The following MYH9 variants were observed in gnomAD, a reference collection of about 807,000 sequenced individuals.
The protein encoded by MYH9 is myosin-9.
In MYH9, 29 loss-of-function variants were observed where a neutral mutation model predicts 241.9. The ratio of observed to expected loss-of-function variants is 0.12; its 90% CI spans 0.09 to 0.16. The LOEUF is 0.16. Ranked by LOEUF, MYH9 falls within the 10% of genes least tolerant of loss-of-function variation. MYH9 has a pLI of 1.00. For missense variants in MYH9, 1,803 were observed against 2,595.5 expected (o/e 0.69, Z 6.63); for synonymous variants, 1,047 against 1,062.6 (o/e 0.99, Z 0.29).
At position 36,308,778 on chromosome 22, in the gene MYH9, A is replaced by G. The variant is rs890735497; in HGVS notation, c.1843+504T>C. The G allele has an allele frequency of 7.7e-5, 75 of 976,838 alleles. 2 individuals are homozygous for G. Among genetic ancestry groups the G allele is most frequent in the Non-Finnish European group, 1.3e-5 (11 of 822,298 alleles). 60.5% of individuals were successfully genotyped at this position (976,838 alleles called of 1,614,324 possible). On this transcript the variant is annotated intron_variant, in intron 15 of 40. Coordinates refer to ENST00000216181, the MANE Select transcript of MYH9 (RefSeq NM_002473.6). ...GCACAGCTTTGGACGCACCACACAC[A>G]CAAGAGACACCACTCGGGCGGCCAG...
intron 1 of MYH9, among the ~76,000 whole-genome samples, chr22:36,369,577 T>C (rs2018060939): frequency 6.6e-6 from 1 of 152,180 alleles, no homozygotes. Flanking sequence ...CCTGCCAGCC[T>C]TCACCTGCTG....
intron 1 of MYH9, among the ~76,000 whole-genome samples, chr22:36,384,614 ATATATATATATATATATATAT>A (rs2018318852): frequency 1.1e-4 from 2 of 18,662 alleles, no homozygotes; most frequent in African/African-American, 4.8e-4. Context: ...AAAAAAAAAT[ATATATATATATATATATATAT>A]ATATATATAT....
intron 23 of MYH9, among the ~76,000 whole-genome samples, 186 bp from the exon 24 acceptor site, chr22:36,299,228 C>T (rs528618454): frequency 1.3e-5 from 2 of 152,284 alleles, no homozygotes; most frequent in East Asian, 1.9e-4. Flanking sequence ...CCTGAAACAG[C>T]GAGGTACGCT....
At position 36,378,339 on chromosome 22, in the gene MYH9, T is replaced by G. The variant is rs545847314; in HGVS notation, c.-20+9468A>C. On this transcript the variant is annotated intron_variant, in intron 1 of 40. Transcript: ENST00000216181. ...CAGACCACTTCACATCCATTTATAATGCTAAGAAAGAGGCTTCTCCACGGT... is the reference window on the plus strand; with the variant it reads ...CAGACCACTTCACATCCATTTATAAGGCTAAGAAAGAGGCTTCTCCACGGT... 9.2e-5 allele frequency among the ~76,000 whole-genome samples: 14 copies of G among 152,218 alleles called. No homozygotes were observed. In the East Asian group the frequency reaches 2.7e-3, roughly 29 times the overall value.
chr22:36,341,631 G>A, intron 2 of MYH9, 105 bp from the exon 3 acceptor site: 3 of 1,351,060 alleles, frequency 2.2e-6, no homozygotes, highest in Non-Finnish European at 3.1e-6. Flanking sequence ...CCCTGAGTCA[G>A]CCTGATGTGA....
At chr22:36,337,167 G>A (rs1362274140) in intron 3 of MYH9, among the ~76,000 whole-genome samples, 2 of 152,134 alleles carry the variant, frequency 1.3e-5, no homozygotes, top group South Asian at 2.1e-4. Flanking sequence ...TGCCCCCCAC[G>A]GAAACTTGAT....
rs1489239596 is a variant in MYH9 at position 36,319,584 on chromosome 22, T to C, written c.1064A>G (p.Lys355Arg). Reference sequence around the variant, plus strand: ...CGCCTGGTCAGTGTTCCGCTCCTTCTTGAAGACGATGTTGCCGAGCTGAAG... The same window carrying C: ...CGCCTGGTCAGTGTTCCGCTCCTTCCTGAAGACGATGTTGCCGAGCTGAAG... ...GVLQLGNIVF[K>R]KERNTDQASM... The change falls in exon 10 of 41, where the codon AAG becomes AGG. Residue 355 changes from lysine (K) to arginine (R), a missense_variant. Lys to Arg is a conservative substitution (Grantham distance 26). Coordinates refer to ENST00000216181, the MANE Select transcript of MYH9 (RefSeq NM_002473.6). The C allele has an allele frequency of 6.2e-7, 1 of 1,614,162 alleles. No homozygotes were observed. Among genetic ancestry groups the C allele is most frequent in the Non-Finnish European group, 8.5e-7 (1 of 1,180,034 alleles).
At chr22:36,294,355 G>T in intron 27 of MYH9, 57 bp from the exon 28 acceptor site, 1 of 1,573,666 alleles carries the variant, frequency 6.4e-7, no homozygotes, top group South Asian at 1.1e-5. Flanking sequence ...AGGCTGGCTG[G>T]TCTATCATCA....
intron 27 of MYH9, 63 bp downstream of exon 27, chr22:36,294,869 G>C: frequency 1.9e-6 from 3 of 1,600,128 alleles, no homozygotes; most frequent in Non-Finnish European, 1.7e-6. Flanking sequence ...GACTGGTTTG[G>C]ATTCTGTGGG....
chr22:36,290,688 A>T (rs930852993), intron 31 of MYH9, among the ~76,000 whole-genome samples: 4 of 140,628 alleles, frequency 2.8e-5, no homozygotes, highest in Non-Finnish European at 4.6e-5. Context: ...CCGCCATCCC[A>T]TCTAGGAGGT....
In MYH9 at chr22:36,305,150, C is replaced by T. The variant is rs921340720; in HGVS notation, c.2160-48G>A. The T allele has an allele frequency of 7.4e-6, 11 of 1,479,534 alleles. No homozygotes were observed. The highest frequency in any genetic ancestry group is 1.0e-5 in the Non-Finnish European group (11 of 1,057,810). The allele number at this position is 1,479,534 out of a possible 1,614,324, so 91.7% of individuals were successfully genotyped here. A position where few individuals can be genotyped will look rare whatever the true frequency, so the allele number is the denominator to read the frequency against. On this transcript the variant is annotated intron_variant, in intron 17 of 40. Coordinates refer to ENST00000216181, the MANE Select transcript of MYH9 (RefSeq NM_002473.6). The surrounding 1 kb of genome is among the most constrained non-coding windows in gnomAD (Gnocchi z 4.7). Reference sequence around the variant, plus strand: ...GGTCATTTTACCCATTGCCTCGATTCCACATGCCTGGAATATAGGCGAGAG... The same window carrying T: ...GGTCATTTTACCCATTGCCTCGATTTCACATGCCTGGAATATAGGCGAGAG...
At chr22:36,355,092 C>T (rs1482635279) in intron 1 of MYH9, among the ~76,000 whole-genome samples, 3 of 151,960 alleles carry the variant, frequency 2.0e-5, no homozygotes, top group Non-Finnish European at 2.9e-5. Flanking sequence ...GCAGCTCTCG[C>T]CCCTGGAGAT....
At chr22:36,350,468 C>T (rs2017747140) in intron 1 of MYH9, among the ~76,000 whole-genome samples, 1 of 152,054 alleles carries the variant, frequency 6.6e-6, no homozygotes, top group East Asian at 1.9e-4. Flanking sequence ...ACCCAGGAGG[C>T]GGGGGTTGTG....
rs2018339236 is a variant in MYH9 at position 36,385,579 on chromosome 22, C to T, written c.-20+2228G>A. Among the ~76,000 whole-genome samples the T allele has an allele frequency of 2.0e-5, 3 of 152,128 alleles. No homozygotes were observed. The South Asian group carries it at 6.2e-4, about 32-fold the overall frequency. ...AGGTTAAAAAGTTTAAAAATAAAAGCAAGAAAGCCAGGGCCCTCCCTCTCC... is the reference window on the plus strand; with the variant it reads ...AGGTTAAAAAGTTTAAAAATAAAAGTAAGAAAGCCAGGGCCCTCCCTCTCC... On this transcript the variant is annotated intron_variant, in intron 1 of 40. Transcript: ENST00000216181.
chr22:36,320,035 A>G lies in MYH9; in HGVS notation c.1012+185T>C, dbSNP rs920262805. ...TGCACCCTTTCTGAATGCCTGTGGTACCACCAGGAACAAATAACCTTGAAC... is the reference window on the plus strand; with the variant it reads ...TGCACCCTTTCTGAATGCCTGTGGTGCCACCAGGAACAAATAACCTTGAAC... On this transcript the variant is annotated intron_variant, in intron 9 of 40. Transcript: ENST00000216181. The surrounding 1 kb of genome is among the most constrained non-coding windows in gnomAD (Gnocchi z 4.8). Among the ~76,000 whole-genome samples, 15 of 152,212 alleles carry G rather than the reference A, an allele frequency of 9.9e-5. No individual in the cohort carries two copies. The highest frequency in any genetic ancestry group is 2.9e-5 in the Non-Finnish European group (2 of 68,042).
Position 36,285,317 on chromosome 22 carries a change from T to C in MYH9, c.5287A>G (p.Asn1763Asp). The C allele has an allele frequency of 6.2e-7, 1 of 1,610,090 alleles. No homozygotes were observed. The highest frequency in any genetic ancestry group is 8.5e-7 in the Non-Finnish European group (1 of 1,179,918). ...KKANLQIDQI[N>D]TDLNLERSHA... The stretch of plus-strand genomic sequence containing the variant: ...CTGCGCTCCAGGTTCAGGTCGGTGT[T>C]GATCTGGTCGATCTGCAGAAGAAGG... The change falls in exon 38 of 41, where the codon AAC (asparagine) becomes GAC (aspartate). Residue 1763 changes from asparagine (N) to aspartate (D), a missense_variant. Asn to Asp is a conservative substitution (Grantham distance 23). This residue lies in a region of MYH9 where 876 missense variants were observed against 1,077.8 expected (regional missense o/e 0.81). Coordinates refer to ENST00000216181, the MANE Select transcript of MYH9 (RefSeq NM_002473.6). This position sits in a 1 kb window ranked among gnomAD's most constrained non-coding sequence, Gnocchi z 7.0.
chr22:36,286,528 ACT>A (rs2016583689), intron 35 of MYH9, among the ~76,000 whole-genome samples, 188 bp downstream of exon 35: 1 of 151,822 alleles, frequency 6.6e-6, no homozygotes, highest in Non-Finnish European at 1.5e-5. Flanking sequence ...ACACACACAC[ACT>A]CTGATCATAC....
intron 2 of MYH9, among the ~76,000 whole-genome samples, chr22:36,348,351 A>G (rs909879679): frequency 1.5e-4 from 23 of 151,206 alleles, no homozygotes; most frequent in African/African-American, 4.8e-4. Flanking sequence ...TCTACTAAAA[A>G]TACAAAAATC....
At chr22:36,321,056 G>A (rs1012792210) in intron 7 of MYH9, among the ~76,000 whole-genome samples, 160 bp from the exon 8 acceptor site, 8 of 151,858 alleles carry the variant, frequency 5.3e-5, no homozygotes, top group East Asian at 1.9e-4. Flanking sequence ...GGATTCAAGC[G>A]ATTCTCCTGC....
Sources: gnomAD v4.1 joint callset for allele counts (sites outside exome capture counted in the v4.1 genomes callset) on GRCh38, gnomAD v4.1.1 for gene constraint, gnomAD v4.1.1 regional missense constraint, Gnocchi (gnomAD v3.1) non-coding constraint, MANE v1.5 for transcripts, NCBI Gene and HGNC (gene_info 2026-07-23, HGNC 2026-07-21) for gene names.